ATG7: variants seen among roughly 807,000 people sequenced by gnomAD.
ATG7 encodes autophagy related 7, also known as ubiquitin-like modifier-activating enzyme ATG7.
Under a neutral mutation model 82.4 loss-of-function variants are expected in ATG7, and 70 were observed. The ratio of observed to expected loss-of-function variants is 0.85; its 90% CI spans 0.70 to 1.04. The LOEUF (loss-of-function observed/expected upper bound fraction) is 1.04. Among genes scored for constraint, ATG7 ranks in the 50% least tolerant of loss-of-function variants. The probability of loss-of-function intolerance (pLI) is 0.00; values close to 1 mark genes in which losing one functional copy is unlikely to be tolerated. For missense variants in ATG7, 792 were observed against 864.3 expected (o/e 0.92, Z 1.05); for synonymous variants, 287 against 313.0 (o/e 0.92, Z 0.88).
chr3:11,513,767 A>AGCGAGGGCT (rs141650703), intron 20 of ATG7, among the ~76,000 whole-genome samples: 11,217 of 152,274 alleles, frequency 0.074, 567 homozygotes, highest in Non-Finnish European at 0.11. Context: ...GCTGAGAGTG[A>AGCGAGGGCT]GCGAGGGCTG....
At chr3:11,299,049 A>G in intron 4 of ATG7, 194 bp downstream of exon 4, 2 of 669,524 alleles carry the variant, frequency 3.0e-6, no homozygotes, top group South Asian at 2.2e-5. Flanking sequence ...GGGAAAAAGA[A>G]AGAGAGTAGT....
At chr3:11,287,685 A>C (rs1944315645) in intron 3 of ATG7, among the ~76,000 whole-genome samples, 1 of 152,248 alleles carries the variant, frequency 6.6e-6, no homozygotes, top group Admixed American at 6.5e-5. Flanking sequence ...GAGATGTGTG[A>C]ATGTTTTGAG....
At chr3:11,352,592 T>G (rs529229182) in intron 14 of ATG7, among the ~76,000 whole-genome samples, 1 of 152,344 alleles carries the variant, frequency 6.6e-6, no homozygotes, top group South Asian at 2.1e-4. Context: ...AGTTTCTTCA[T>G]TCAACAGATA....
chr3:11,309,025 T>C lies in ATG7; in HGVS notation c.375T>C (p.Pro125=), dbSNP rs779704749. The C allele has an allele frequency of 3.7e-6, 6 of 1,614,132 alleles. No individual in the cohort carries two copies. Among genetic ancestry groups the C allele is most frequent in the Non-Finnish European group, 5.1e-6 (6 of 1,179,948 alleles). ...AATCAGGCACTGCTCTTGAAAACCC[T>C]GTACTCCTCAACAAGTTCCTCCTCT... The part of the protein sequence containing the change: ...SIKSGTALEN[P]VLLNKFLLLT... Residue 125 remains proline, a synonymous_variant, in exon 7 of 21, where the codon CCT becomes CCC. Transcript: ENST00000693202.
At chr3:11,576,167 T>C in the ATG7 span, among the ~76,000 whole-genome samples, 4 of 152,180 alleles carry the variant, frequency 2.6e-5, no homozygotes, top group Non-Finnish European at 5.9e-5. Flanking sequence ...GAAGTAGTTG[T>C]GAGAGCACAG....
At chr3:11,468,001 T>C (rs1209430128) in intron 20 of ATG7, among the ~76,000 whole-genome samples, 2 of 152,188 alleles carry the variant, frequency 1.3e-5, no homozygotes, top group Non-Finnish European at 2.9e-5. Context: ...TTGGAAATAC[T>C]GGTGTTCTTA....
intron 14 of ATG7, among the ~76,000 whole-genome samples, chr3:11,352,626 C>G (rs867062586): frequency 9.9e-5 from 15 of 152,188 alleles, no homozygotes; most frequent in South Asian, 2.1e-4. Context: ...TTCCTTCTAC[C>G]AGGCCACGGA....
intron 20 of ATG7, among the ~76,000 whole-genome samples, chr3:11,490,568 C>G (rs1282317537): frequency 3.3e-5 from 5 of 152,256 alleles, no homozygotes; most frequent in Admixed American, 6.5e-5. Flanking sequence ...TCCTAGCCTC[C>G]ATGGTCTTTA....
chr3:11,485,945 C>A (rs2089582985), intron 20 of ATG7, among the ~76,000 whole-genome samples: 1 of 152,112 alleles, frequency 6.6e-6, no homozygotes, highest in Non-Finnish European at 1.5e-5. Context: ...GTTACTGTAG[C>A]CTTGTAGTAT....
chr3:11,428,616 C>A (rs1040355725), intron 20 of ATG7, among the ~76,000 whole-genome samples: 1 of 152,140 alleles, frequency 6.6e-6, no homozygotes, highest in Non-Finnish European at 1.5e-5. Flanking sequence ...GTATTTTTCC[C>A]CTGAATTGTG....
chr3:11,565,073 A>G, the ATG7 span: 2 of 1,426,128 alleles, frequency 1.4e-6, no homozygotes, highest in Non-Finnish European at 1.8e-6. This position sits in a 1 kb window ranked among gnomAD's most constrained non-coding sequence, Gnocchi z 4.1. Context: ...CAAAGGGGAC[A>G]GTGACTGTGC....
intron 20 of ATG7, among the ~76,000 whole-genome samples, chr3:11,495,076 T>C (rs1236849965): frequency 6.6e-6 from 1 of 150,554 alleles, no homozygotes; most frequent in Non-Finnish European, 1.5e-5. Context: ...AGGCTCCGTC[T>C]CAGAAAAAAA....
intron 9 of ATG7, among the ~76,000 whole-genome samples, chr3:11,328,578 G>A (rs1342148961): frequency 6.6e-6 from 1 of 152,172 alleles, no homozygotes; most frequent in Non-Finnish European, 1.5e-5. Flanking sequence ...ATATTTTAAA[G>A]AGTGTCTTTG....
chr3:11,332,875 C>G (rs1303074272), intron 10 of ATG7, 97 bp from the exon 11 acceptor site: 1 of 1,239,368 alleles, frequency 8.1e-7, no homozygotes, highest in East Asian at 3.0e-5. Flanking sequence ...GCATTGAATT[C>G]TCTCCAACTG....
intron 19 of ATG7, among the ~76,000 whole-genome samples, chr3:11,397,681 T>A (rs2079431449): frequency 6.6e-6 from 1 of 151,664 alleles, no homozygotes; most frequent in South Asian, 2.1e-4. Flanking sequence ...GATCTCGAAC[T>A]CCTGACCTCA....
At chr3:11,283,427 C>A (rs1943408327) in intron 3 of ATG7, among the ~76,000 whole-genome samples, 1 of 152,156 alleles carries the variant, frequency 6.6e-6, no homozygotes, top group African/African-American at 2.4e-5. Flanking sequence ...TTAGCCCTCC[C>A]AGCAAGTTCT....
At chr3:11,276,220 T>C (rs1193381905) in intron 1 of ATG7, among the ~76,000 whole-genome samples, 1 of 152,202 alleles carries the variant, frequency 6.6e-6, no homozygotes, top group Admixed American at 6.5e-5. Context: ...CGCAGCTTCC[T>C]CTTCTATCCT....
At chr3:11,534,425 T>C (rs1364558700) in intron 20 of ATG7, among the ~76,000 whole-genome samples, 2 of 152,248 alleles carry the variant, frequency 1.3e-5, no homozygotes, top group African/African-American at 4.8e-5. Flanking sequence ...GCATCTGTCC[T>C]CACATCTTCT....
At chr3:11,431,245 T>C (rs1445084961) in intron 20 of ATG7, among the ~76,000 whole-genome samples, 2 of 152,112 alleles carry the variant, frequency 1.3e-5, no homozygotes, top group Admixed American at 1.3e-4. Flanking sequence ...CTACTAAAAA[T>C]ACAAAATTAG....
Sources: allele counts gnomAD v4.1 joint callset (sites outside exome capture counted in the v4.1 genomes callset), GRCh38; gene constraint gnomAD v4.1.1; non-coding constraint Gnocchi (gnomAD v3.1); transcripts MANE v1.5; gene names NCBI Gene and HGNC (gene_info 2026-07-23, HGNC 2026-07-21).